MGST3: variants seen among roughly 807,000 people sequenced by gnomAD.
MGST3 encodes the protein microsomal glutathione S-transferase 3, also known as glutathione S-transferase 3, mitochondrial.
MGST3 carries 13 observed loss-of-function variants against 15.8 expected under a neutral mutation model. That is an observed-to-expected ratio of 0.82 (90% CI 0.54 to 1.31). MGST3 has a LOEUF of 1.31. Ranked by LOEUF, MGST3 falls within the 50% of genes most tolerant of loss-of-function variation. The pLI, the probability that MGST3 is intolerant of heterozygous loss-of-function variation, is 0.00. For synonymous variants in MGST3, 49 were observed against 68.1 expected, an observed-to-expected ratio of 0.72 and a Z score of 1.38; for missense variants, 155 against 192.4, an observed-to-expected ratio of 0.81 and a Z score of 1.15.
chr1:165,647,932 C>G (rs1648450880), intron 1 of MGST3: 1 of 152,194 alleles, frequency 6.6e-6, no homozygotes, highest in South Asian at 2.1e-4. Flanking sequence ...ATTGTTGGGA[C>G]TGTAGGTGTG....
At chr1:165,631,429 A>C (rs1346283206) in intron 1 of MGST3, 136 bp downstream of exon 1, 1 of 152,618 alleles carries the variant, frequency 6.6e-6, no homozygotes, top group Non-Finnish European at 1.5e-5. Flanking sequence ...CCCCACCCTT[A>C]TCAGTAAATT....
In MGST3 at chr1:165,654,190, TG is replaced by T; in HGVS notation, c.250-88del. ...CCAAATCATCAAATTGTTAACTTTT[TG>T]CTAACATATTGTGTAATCAACCCTA... On this transcript the variant is annotated intron_variant, in intron 4 of 5. Coordinates refer to ENST00000367889, the MANE Select transcript of MGST3 (RefSeq NM_004528.4). The T allele has an allele frequency of 2.4e-6, 3 of 1,261,038 alleles. No individual in the cohort carries two copies. The Admixed American group carries it at 5.1e-5, about 21-fold the overall frequency. 78.1% of individuals were successfully genotyped at this position (1,261,038 alleles called of 1,614,324 possible).
rs553716686 is a variant in MGST3, at chr1:165,636,013, C to G, written c.-8+4720C>G. Among the ~76,000 whole-genome samples, 5 of 152,268 alleles carry G rather than the reference C, an allele frequency of 3.3e-5. No individual in the cohort carries two copies. The East Asian group carries it at 9.7e-4, about 29-fold the overall frequency. On this transcript the variant is annotated intron_variant, in intron 1 of 5. Coordinates refer to ENST00000367889, the MANE Select transcript of MGST3 (RefSeq NM_004528.4). The stretch of plus-strand genomic sequence containing the variant: ...TTCATTACCTAGGTTTCTGTTCCTT[C>G]TTTTAAGTGTAATTTAAATCTGGCT...
At position 165,651,152 on chromosome 1, in the gene MGST3, C is replaced by A. The variant is rs1470919300; in HGVS notation, c.191+65C>A. ...AGTGGGTGTTTTCTGTCTAACACCT[C>A]AGCCCTTAGTGCGCTGTATTTGCTG... On this transcript the variant is annotated intron_variant, in intron 3 of 5. Transcript: ENST00000367889. 10 of 1,356,698 alleles carry A rather than the reference C, an allele frequency of 7.4e-6. No individual in the cohort carries two copies. The East Asian group carries it at 1.8e-4, about 25-fold the overall frequency. The allele number at this position is 1,356,698 out of a possible 1,614,324, so 84.0% of individuals were successfully genotyped here.
chr1:165,650,978 TTGACCATC>T lies in MGST3; in HGVS notation c.118-32_118-25del, dbSNP rs1312855066. On this transcript the variant is annotated intron_variant, in intron 2 of 5. Transcript: ENST00000367889. ...TAACTTTCAACACTGAATGCTCCTC[TTGACCATC>T]TGATCAGTATGTGCTTTGTTGTGAC... 1.9e-6 allele frequency: 3 copies of T among 1,593,498 alleles called. No homozygotes were observed. The African/African-American group carries it at 4.0e-5, about 21-fold the overall frequency.
At chr1:165,640,757 G>A (rs1440596231) in intron 1 of MGST3, among the ~76,000 whole-genome samples, 1 of 152,094 alleles carries the variant, frequency 6.6e-6, no homozygotes, top group East Asian at 1.9e-4. Flanking sequence ...AAGGAGACAC[G>A]CTCTCTGTCC....
intron 1 of MGST3, among the ~76,000 whole-genome samples, chr1:165,638,987 G>A (rs934915593): frequency 1.3e-5 from 2 of 148,874 alleles, no homozygotes; most frequent in African/African-American, 5.1e-5. Flanking sequence ...CCCTAACCAG[G>A]ACAATCAGTC....
In MGST3 at chr1:165,634,052, A is replaced by G. The variant is rs9333385; in HGVS notation, c.-8+2759A>G. Reference sequence around the variant, plus strand: ...TTTTTTTTTTTTTTTTCTCCTTCCAATTTGAAACATCTCAGGCTTTAGTCA... The same window carrying G: ...TTTTTTTTTTTTTTTTCTCCTTCCAGTTTGAAACATCTCAGGCTTTAGTCA... On this transcript the variant is annotated intron_variant, in intron 1 of 5. Coordinates refer to ENST00000367889, the MANE Select transcript of MGST3 (RefSeq NM_004528.4). 1.2e-4 allele frequency among the ~76,000 whole-genome samples: 17 copies of G among 147,674 alleles called. No homozygotes were observed. In the East Asian group the frequency reaches 2.0e-3, roughly 17 times the overall value.
chr1:165,650,301 G>T, intron 2 of MGST3: 1 of 345,490 alleles, frequency 2.9e-6, no homozygotes, highest in Non-Finnish European at 5.5e-6. Context: ...ATTGTTTCAT[G>T]GTGTGCCACT....
chr1:165,654,738 T>C (rs939174602), intron 5 of MGST3, among the ~76,000 whole-genome samples: 1 of 152,210 alleles, frequency 6.6e-6, no homozygotes, highest in Non-Finnish European at 1.5e-5. Flanking sequence ...CTTGGGAATT[T>C]GAGAAAAGGG....
intron 1 of MGST3, among the ~76,000 whole-genome samples, chr1:165,635,217 G>T (rs919533618): frequency 1.6e-4 from 25 of 152,186 alleles, no homozygotes; most frequent in Admixed American, 1.3e-3. Flanking sequence ...GGGCTTCTAG[G>T]TTAGGTATCT....
intron 2 of MGST3, 183 bp downstream of exon 2, chr1:165,650,147 G>A: frequency 6.6e-6 from 5 of 760,986 alleles, no homozygotes; most frequent in Non-Finnish European, 1.1e-5. Flanking sequence ...ACAGGGCCCT[G>A]CTAGGGAGTA....
rs1382278806 is a variant in MGST3, at chr1:165,652,011, A to T, written c.225A>T (p.Leu75=). The change falls in exon 4 of 6, where the codon CTA becomes CTT. Residue 75 remains leucine (L), a synonymous_variant. Transcript: ENST00000367889. Reference sequence around the variant, plus strand: ...TGTATCCTCCCTTCTTATTTTTTCTAGCTGTTGGAGGTGTTTACCACCCGG... The same window carrying T: ...TGTATCCTCCCTTCTTATTTTTTCTTGCTGTTGGAGGTGTTTACCACCCGG... ...LEVYPPFLFF[L]AVGGVYHPRI... 1 of 1,612,056 alleles carries T rather than the reference A, an allele frequency of 6.2e-7. No individual in the cohort carries two copies. Among genetic ancestry groups the T allele is most frequent in the Non-Finnish European group, 8.5e-7 (1 of 1,179,188 alleles).
At chr1:165,631,425 C>CTTTTTTA (rs2101710759) in intron 1 of MGST3, 132 bp downstream of exon 1, 1 of 152,878 alleles carries the variant, frequency 6.5e-6, no homozygotes, top group South Asian at 2.1e-4. Context: ...CTCCCCCCAC[C>CTTTTTTA]CTTATCAGTA....
chr1:165,644,165 A>G (rs969106312), intron 1 of MGST3, among the ~76,000 whole-genome samples: 4 of 152,154 alleles, frequency 2.6e-5, no homozygotes, highest in African/African-American at 9.7e-5. Flanking sequence ...AACTACAGTT[A>G]TGTGTTCACT....
chr1:165,650,638 C>T lies in MGST3; in HGVS notation c.118-376C>T, dbSNP rs1648526538. 6 of 226,602 alleles carry T rather than the reference C, an allele frequency of 2.6e-5. No homozygotes were observed. The South Asian group carries it at 4.0e-4, about 15-fold the overall frequency. 14.0% of individuals were successfully genotyped at this position (226,602 alleles called of 1,614,324 possible). The stretch of plus-strand genomic sequence containing the variant: ...TTTCTGTTCTTCTATTAAGGGAAAT[C>T]TTAAAAGGATGTGGTATTTGATGAC... On this transcript the variant is annotated intron_variant, in intron 2 of 5. Coordinates refer to ENST00000367889, the MANE Select transcript of MGST3 (RefSeq NM_004528.4).
intron 1 of MGST3, chr1:165,649,474 CA>C (rs1233695192): frequency 3.9e-6 from 1 of 258,480 alleles, no homozygotes. Flanking sequence ...TATACTTTAG[CA>C]TTTTACCATG....
At chr1:165,651,428 G>T in intron 3 of MGST3, 1 of 389,652 alleles carries the variant, frequency 2.6e-6, no homozygotes, top group South Asian at 2.3e-5. Context: ...AACCCACTCT[G>T]ACTCACCAGG....
chr1:165,644,912 C>A (rs2101719781), intron 1 of MGST3, among the ~76,000 whole-genome samples: 1 of 152,204 alleles, frequency 6.6e-6, no homozygotes, highest in East Asian at 1.9e-4. Flanking sequence ...GCACTCATCA[C>A]CTCGCCCAGC....
Sources: gnomAD v4.1 joint callset for allele counts (sites outside exome capture counted in the v4.1 genomes callset) on GRCh38, gnomAD v4.1.1 for gene constraint, MANE v1.5 for transcripts, NCBI Gene and HGNC (gene_info 2026-07-23, HGNC 2026-07-21) for gene names.